Variants in MOXD1 observed in about 807,000 individuals in gnomAD.
MOXD1 encodes the protein monooxygenase DBH like 1, also known as DBH-like monooxygenase protein 1.
In MOXD1, 62 loss-of-function variants were observed where a neutral mutation model predicts 66.6. The observed-to-expected ratio is 0.93, with a 90% CI of 0.76 to 1.15. The LOEUF (loss-of-function observed/expected upper bound fraction) is 1.15, where lower values mean the gene tolerates loss of function less well. Among genes scored for constraint, MOXD1 ranks in the 50% most tolerant of loss-of-function variants. The probability of loss-of-function intolerance (pLI) is 0.00; values close to 1 mark genes in which losing one functional copy is unlikely to be tolerated. For synonymous variants in MOXD1, 303 were observed against 281.9 expected (o/e 1.07, Z -0.75); for missense variants, 847 against 754.6 (o/e 1.12, Z -1.44).
At chr6:132,322,540 A>C in intron 8 of MOXD1, 139 bp downstream of exon 8, 1 of 764,076 alleles carries the variant, frequency 1.3e-6, no homozygotes, top group South Asian at 2.0e-5. Context: ...TCTGGGTTGT[A>C]CAACACCCAC....
At chr6:132,397,292 T>A (rs1336902318) in intron 1 of MOXD1, among the ~76,000 whole-genome samples, 1 of 152,362 alleles carries the variant, frequency 6.6e-6, no homozygotes, top group East Asian at 1.9e-4. Context: ...AGCTACTCTG[T>A]ATGGAGATGG....
At chr6:132,340,898 G>T (rs1775545046) in intron 4 of MOXD1, among the ~76,000 whole-genome samples, 1 of 151,684 alleles carries the variant, frequency 6.6e-6, no homozygotes, top group Non-Finnish European at 1.5e-5. Flanking sequence ...CGCCCGCCTC[G>T]GCCTCCCAAC....
intron 10 of MOXD1, among the ~76,000 whole-genome samples, 168 bp downstream of exon 10, chr6:132,315,467 C>T (rs1291160814): frequency 1.3e-5 from 2 of 152,160 alleles, no homozygotes. Context: ...CTTGGGGACT[C>T]TGGACATAGT....
chr6:132,401,243 A>C lies in MOXD1; in HGVS notation c.184T>G (p.Phe62Val). 6.3e-7 allele frequency: 1 copy of C among 1,591,676 alleles called. No individual in the cohort carries two copies. The highest frequency in any genetic ancestry group is 8.5e-7 in the Non-Finnish European group (1 of 1,175,764). ...LQVRTAGYVGFGFSPTGAMAS... is the reference protein window; with the variant it reads ...LQVRTAGYVGVGFSPTGAMAS... ...ATGGCCCCGGTGGGCGAGAAGCCGA[A>C]GCCCACGTAGCCTGCAGTGCGCACC... is the stretch of plus-strand genomic sequence containing the variant. Residue 62 changes from phenylalanine (F) to valine (V), a missense_variant, in exon 1 of 12, where the codon TTC (phenylalanine) becomes GTC (valine). By Grantham distance (50) the Phe-to-Val change is conservative (BLOSUM62 -1). Transcript: ENST00000367963.
At chr6:132,339,237 C>T (rs1029319467) in intron 4 of MOXD1, among the ~76,000 whole-genome samples, 5 of 152,130 alleles carry the variant, frequency 3.3e-5, no homozygotes, top group Non-Finnish European at 7.4e-5. Context: ...TCAAAGGCAA[C>T]TTATTTACAT....
intron 10 of MOXD1, among the ~76,000 whole-genome samples, chr6:132,312,075 A>G (rs1299889542): frequency 6.6e-6 from 1 of 152,110 alleles, no homozygotes; most frequent in African/African-American, 2.4e-5. Flanking sequence ...TACACAATTT[A>G]TCTAAACTCA....
rs1775140836 is a variant in MOXD1 at position 132,324,211 on chromosome 6, A to G, written c.947-114T>C. 3 of 1,075,354 alleles carry G rather than the reference A, an allele frequency of 2.8e-6. No individual in the cohort carries two copies. The East Asian group carries it at 7.7e-5, about 28-fold the overall frequency. The allele number at this position is 1,075,354 out of a possible 1,614,324, so 66.6% of individuals were successfully genotyped here. A position where few individuals can be genotyped will look rare whatever the true frequency, so the allele number is the denominator to read the frequency against. On this transcript the variant is annotated intron_variant, in intron 6 of 11. Transcript: ENST00000367963. ...TTTCATATTCTGTTGAAATAGGTTT[A>G]TTTATTTTCCATAAACTGTCATGAG...
rs11429443 is a variant in MOXD1, at chr6:132,347,676, CA to C, written c.664-19083del. 2.5e-3 allele frequency among the ~76,000 whole-genome samples: 368 copies of C among 148,760 alleles called. 2 individuals are homozygous for C. Among genetic ancestry groups the C allele is most frequent in the African/African-American group, 7.5e-3 (307 of 40,698 alleles). Reference sequence around the variant, plus strand: ...TGTGCGACAGAGTGTGATCCTGTCTCAAAAAAAAAAAATTATTTGATTTATT... The same window carrying C: ...TGTGCGACAGAGTGTGATCCTGTCTCAAAAAAAAAAATTATTTGATTTATT... On this transcript the variant is annotated intron_variant, in intron 4 of 11. Coordinates refer to ENST00000367963, the MANE Select transcript of MOXD1 (RefSeq NM_015529.4).
At chr6:132,297,689 C>A in intron 11 of MOXD1, 98 bp downstream of exon 11, 1 of 1,387,148 alleles carries the variant, frequency 7.2e-7, no homozygotes, top group Non-Finnish European at 9.7e-7. Flanking sequence ...GCAACTGGAC[C>A]CCTGGATTTA....
chr6:132,377,146 T>TA (rs1208317921), intron 1 of MOXD1, among the ~76,000 whole-genome samples: 5 of 152,238 alleles, frequency 3.3e-5, no homozygotes, highest in Admixed American at 6.5e-5. Flanking sequence ...CATAAAATGT[T>TA]ACTTTTCTTC....
At chr6:132,306,041 A>T (rs1774681202) in intron 10 of MOXD1, among the ~76,000 whole-genome samples, 1 of 152,202 alleles carries the variant, frequency 6.6e-6, no homozygotes, top group East Asian at 1.9e-4. Context: ...AGCAGGCTTC[A>T]GAAGATGGGT....
chr6:132,391,140 G>A (rs1776751060), intron 1 of MOXD1: 1 of 151,286 alleles, frequency 6.6e-6, no homozygotes, highest in Non-Finnish European at 1.5e-5. Context: ...GAGAGGCAAG[G>A]AAGAGTAGGA....
In MOXD1 at chr6:132,401,420, A is replaced by G; in HGVS notation, c.7T>C (p.Cys3Arg). The G allele has an allele frequency of 6.7e-7, 1 of 1,498,804 alleles. No homozygotes were observed. The highest frequency in any genetic ancestry group is 1.3e-5 in the South Asian group (1 of 78,840). 92.8% of individuals were successfully genotyped at this position (1,498,804 alleles called of 1,614,324 possible). The part of the protein sequence containing the change: MC[C>R]WPLLLLWGLL... ...CCCCACAGCAGGAGCAGCGGCCAGC[A>G]GCACATCCTCGGGCGCCTCCTGCCC... Residue 3 changes from cysteine (C) to arginine (R), a missense_variant, in exon 1 of 12, where the codon TGC becomes CGC. Transcript: ENST00000367963.
intron 4 of MOXD1, among the ~76,000 whole-genome samples, chr6:132,362,032 C>T (rs1315852218): frequency 6.6e-6 from 1 of 152,030 alleles, no homozygotes; most frequent in Non-Finnish European, 1.5e-5. Context: ...TCCTGCTAAT[C>T]ACTAAAAGCT....
At chr6:132,303,869 ATATATATATACATATAT>A (rs1562276516) in intron 10 of MOXD1, among the ~76,000 whole-genome samples, 4,248 of 61,268 alleles carry the variant, frequency 0.069, 122 homozygotes, top group African/African-American at 0.18. Context: ...ATATATATAT[ATATATATATACATATAT>A]ACATAAAACC....
chr6:132,331,530 T>C (rs1387100361), intron 4 of MOXD1, among the ~76,000 whole-genome samples: 1 of 152,082 alleles, frequency 6.6e-6, no homozygotes, highest in Non-Finnish European at 1.5e-5. Context: ...GTGCTAAAAC[T>C]AACACCAAAC....
intron 1 of MOXD1, among the ~76,000 whole-genome samples, chr6:132,378,125 C>G (rs1359901069): frequency 6.6e-6 from 1 of 151,968 alleles, no homozygotes. Flanking sequence ...AAGAGAGAAA[C>G]TCCATCTCAA....
At chr6:132,379,148 A>AT (rs1401292360) in intron 1 of MOXD1, among the ~76,000 whole-genome samples, 1 of 151,806 alleles carries the variant, frequency 6.6e-6, no homozygotes, top group Non-Finnish European at 1.5e-5. Context: ...TTCTTAGCAA[A>AT]TAGAAGCCAG....
At chr6:132,325,988 A>G (rs1202436634) in intron 6 of MOXD1, among the ~76,000 whole-genome samples, 1 of 152,218 alleles carries the variant, frequency 6.6e-6, no homozygotes, top group Non-Finnish European at 1.5e-5. Flanking sequence ...TTCTCTGGAC[A>G]TATCTTGCAA....
Sources: allele counts gnomAD v4.1 joint callset (sites outside exome capture counted in the v4.1 genomes callset), GRCh38; gene constraint gnomAD v4.1.1; transcripts MANE v1.5; gene names NCBI Gene and HGNC (gene_info 2026-07-23, HGNC 2026-07-21).